The following PATJ variants were observed in gnomAD, a reference collection of about 807,000 sequenced individuals.
The protein encoded by PATJ is inaD-like protein.
PATJ carries 190 observed loss-of-function variants against 224.9 expected under a neutral mutation model. The ratio of observed to expected loss-of-function variants is 0.84; its 90% confidence interval spans 0.75 to 0.95. PATJ has a LOEUF of 0.95. PATJ is among the 40% of genes least tolerant of loss of function. PATJ has a pLI of 0.00. For synonymous variants in PATJ, 769 were observed against 820.3 expected, an observed-to-expected ratio of 0.94 and a Z score of 1.07; for missense variants, 2,121 against 2,270.3, an observed-to-expected ratio of 0.93 and a Z score of 1.34.
At chr1:62,040,634 GTT>G (rs1248482503) in intron 30 of PATJ, among the ~76,000 whole-genome samples, 3 of 152,114 alleles carry the variant, frequency 2.0e-5, no homozygotes. Context: ...GCTGGGGCGT[GTT>G]TGAGGAATAT....
At chr1:62,148,754 T>C (rs1409257535) in intron 42 of PATJ, among the ~76,000 whole-genome samples, 1 of 152,186 alleles carries the variant, frequency 6.6e-6, no homozygotes. Flanking sequence ...TTATACTTGC[T>C]GACATGTTTC....
chr1:61,769,163 G>A, intron 4 of PATJ, 120 bp from the exon 5 acceptor site: 1 of 839,414 alleles, frequency 1.2e-6, no homozygotes, highest in Non-Finnish European at 1.8e-6. Flanking sequence ...TTACTGAAAT[G>A]CTGAGTTTAT....
chr1:61,821,525 T>C (rs1657264923), intron 14 of PATJ, among the ~76,000 whole-genome samples: 1 of 152,194 alleles, frequency 6.6e-6, no homozygotes, highest in South Asian at 2.1e-4. Context: ...ACTTCACATT[T>C]GTCTGCATGT....
chr1:61,821,952 C>G (rs1657356228), intron 14 of PATJ, among the ~76,000 whole-genome samples: 1 of 152,176 alleles, frequency 6.6e-6, no homozygotes, highest in Admixed American at 6.6e-5. Flanking sequence ...TAGAGTTTCT[C>G]AGCCCTTGAC....
At chr1:61,865,016 G>A (rs1439565499) in intron 20 of PATJ, among the ~76,000 whole-genome samples, 2 of 151,820 alleles carry the variant, frequency 1.3e-5, no homozygotes, top group Admixed American at 1.3e-4. Flanking sequence ...CAAAATCAAG[G>A]CCAAGTTAGT....
chr1:61,906,433 G>C (rs1671867986), intron 24 of PATJ, among the ~76,000 whole-genome samples: 1 of 152,132 alleles, frequency 6.6e-6, no homozygotes, highest in Non-Finnish European at 1.5e-5. Flanking sequence ...TCTACCCCAA[G>C]CCACCTCAGT....
intron 33 of PATJ, among the ~76,000 whole-genome samples, chr1:62,107,294 A>G (rs894830646): frequency 1.3e-5 from 2 of 151,134 alleles, no homozygotes; most frequent in African/African-American, 4.9e-5. Context: ...CGACAGAGTG[A>G]GAGTCCATCT....
chr1:61,911,480 C>T (rs1672629886), intron 25 of PATJ, among the ~76,000 whole-genome samples: 1 of 151,914 alleles, frequency 6.6e-6, no homozygotes, highest in East Asian at 1.9e-4. Flanking sequence ...CCAAAGTGAG[C>T]CACCGCACCT....
At chr1:62,043,284 G>A (rs1341432992) in intron 30 of PATJ, among the ~76,000 whole-genome samples, 2 of 152,178 alleles carry the variant, frequency 1.3e-5, no homozygotes, top group Non-Finnish European at 2.9e-5. Flanking sequence ...TGCAGTGCTT[G>A]TGGTAATTAT....
intron 32 of PATJ, among the ~76,000 whole-genome samples, chr1:62,083,789 C>T (rs1659586877): frequency 6.6e-6 from 1 of 152,078 alleles, no homozygotes; most frequent in Non-Finnish European, 1.5e-5. Context: ...TTTAATTCAT[C>T]TGATATGCTC....
intron 3 of PATJ, among the ~76,000 whole-genome samples, chr1:61,763,552 G>A (rs1410844775): frequency 6.6e-6 from 1 of 151,206 alleles, no homozygotes; most frequent in Non-Finnish European, 1.5e-5. Flanking sequence ...AAAAAAAATT[G>A]TGTTTGGTTT....
In PATJ at chr1:61,747,189, T is replaced by G. The variant is rs1047246766; in HGVS notation, c.-36+4634T>G. On this transcript the variant is annotated intron_variant, in intron 1 of 43. Transcript: ENST00000642238. The stretch of plus-strand genomic sequence containing the variant: ...CTTGGTATTTGCATGACCATTGCTA[T>G]GTTTTCTTCCTTAGGGTTTTGTGTA... 2.8e-5 allele frequency among the ~76,000 whole-genome samples: 4 copies of G among 144,814 alleles called. No individual in the cohort carries two copies. The South Asian group carries it at 8.7e-4, about 32-fold the overall frequency.
chr1:61,945,355 AG>A (rs1168593498), intron 27 of PATJ, among the ~76,000 whole-genome samples: 7 of 152,130 alleles, frequency 4.6e-5, no homozygotes. Flanking sequence ...AGACACACAT[AG>A]GCTCAAAATA....
intron 17 of PATJ, among the ~76,000 whole-genome samples, chr1:61,846,778 TA>T (rs1662034816): frequency 6.6e-6 from 1 of 152,174 alleles, no homozygotes; most frequent in Admixed American, 6.5e-5. Flanking sequence ...TTTGTATTTT[TA>T]GTAGAGACGG....
intron 14 of PATJ, among the ~76,000 whole-genome samples, chr1:61,814,517 T>G (rs1655641469): frequency 1.7e-5 from 2 of 120,052 alleles, no homozygotes; most frequent in African/African-American, 3.6e-5. Flanking sequence ...TGCCTTTTGT[T>G]TAGTGTGTGT....
intron 27 of PATJ, among the ~76,000 whole-genome samples, chr1:61,941,472 G>A (rs1289762119): frequency 2.0e-5 from 3 of 152,114 alleles, no homozygotes; most frequent in African/African-American, 7.2e-5. Context: ...CCAACATGGT[G>A]AAACCCCATC....
At chr1:61,960,601 T>C (rs1681128786) in intron 27 of PATJ, among the ~76,000 whole-genome samples, 1 of 150,176 alleles carries the variant, frequency 6.7e-6, no homozygotes, top group Non-Finnish European at 1.5e-5. Flanking sequence ...AGGCAGACGT[T>C]GCAGTGAGCC....
intron 14 of PATJ, among the ~76,000 whole-genome samples, chr1:61,810,086 G>C (rs1265180982): frequency 6.6e-6 from 1 of 151,828 alleles, no homozygotes; most frequent in Non-Finnish European, 1.5e-5. Flanking sequence ...CTGACCTCAG[G>C]TGATCCACCT....
chr1:62,128,187 C>T, intron 40 of PATJ, 93 bp downstream of exon 40: 1 of 1,462,178 alleles, frequency 6.8e-7, no homozygotes, highest in Non-Finnish European at 9.4e-7. Flanking sequence ...GTTGGAATTC[C>T]AGTAGCCATC....
Sources: gnomAD v4.1 joint callset for allele counts (sites outside exome capture counted in the v4.1 genomes callset) on GRCh38, gnomAD v4.1.1 for gene constraint, MANE v1.5 for transcripts, NCBI Gene and HGNC (gene_info 2026-07-23, HGNC 2026-07-21) for gene names.